LINGO2: variants seen among roughly 807,000 people sequenced by gnomAD.
The protein encoded by LINGO2 is leucine-rich repeat and immunoglobulin-like domain-containing nogo receptor-interacting protein 2.
LINGO2 carries 14 observed loss-of-function variants against 30.6 expected under a neutral mutation model. The ratio of observed to expected loss-of-function variants is 0.46; its 90% CI spans 0.30 to 0.72. The LOEUF (loss-of-function observed/expected upper bound fraction) is 0.72, where lower values mean the gene tolerates loss of function less well. Ranked by LOEUF, LINGO2 falls within the 30% of genes least tolerant of loss-of-function variation. The pLI, the probability that LINGO2 is intolerant of heterozygous loss-of-function variation, is 0.07. For missense variants in LINGO2, 729 were observed against 751.7 expected (o/e 0.97, Z 0.35); for synonymous variants, 317 against 288.5 (o/e 1.10, Z -1.00).
At chr9:28,403,941 A>G (rs1342305893) in intron 2 of LINGO2, among the ~76,000 whole-genome samples, 1 of 152,096 alleles carries the variant, frequency 6.6e-6, no homozygotes, top group Non-Finnish European at 1.5e-5. Context: ...ATTCCTTAAG[A>G]TGAAGATTAA....
At chr9:28,781,472 G>T in the LINGO2 span, among the ~76,000 whole-genome samples, 1 of 152,104 alleles carries the variant, frequency 6.6e-6, no homozygotes, top group Non-Finnish European at 1.5e-5. Context: ...TCAAATAATA[G>T]CAAAACAAAA....
the LINGO2 span, among the ~76,000 whole-genome samples, chr9:29,042,610 T>C: frequency 6.6e-6 from 1 of 152,020 alleles, no homozygotes; most frequent in Non-Finnish European, 1.5e-5. Context: ...TTTCTTTTAA[T>C]CTTATGTAAC....
At chr9:28,717,074 T>C in the LINGO2 span, among the ~76,000 whole-genome samples, 1 of 151,998 alleles carries the variant, frequency 6.6e-6, no homozygotes, top group Non-Finnish European at 1.5e-5. Flanking sequence ...TTTTTCCTGA[T>C]TTGTTAATAT....
At chr9:28,486,018 G>A (rs573239161) in intron 1 of LINGO2, among the ~76,000 whole-genome samples, 1 of 152,220 alleles carries the variant, frequency 6.6e-6, no homozygotes, top group South Asian at 2.1e-4. Flanking sequence ...ATGGAGCCAG[G>A]TGACACAGCT....
At chr9:28,489,502 G>C (rs899634297) in intron 1 of LINGO2, among the ~76,000 whole-genome samples, 3 of 152,050 alleles carry the variant, frequency 2.0e-5, no homozygotes, top group African/African-American at 7.2e-5. Flanking sequence ...GCTAAAAAAG[G>C]GCTTGTTCTT....
the LINGO2 span, among the ~76,000 whole-genome samples, chr9:28,809,745 C>CAAAAAAA: frequency 1.0e-5 from 1 of 96,486 alleles, no homozygotes; most frequent in Non-Finnish European, 2.0e-5. Flanking sequence ...GACTCTGTCT[C>CAAAAAAA]AAAAAAAAAA....
At chr9:28,488,996 T>G (rs1335227797) in intron 1 of LINGO2, among the ~76,000 whole-genome samples, 1 of 152,236 alleles carries the variant, frequency 6.6e-6, no homozygotes. Context: ...TATTTTTATT[T>G]GTTTAGCCAA....
chr9:28,900,774 A>C, the LINGO2 span, among the ~76,000 whole-genome samples: 293 of 152,338 alleles, frequency 1.9e-3, 5 homozygotes, highest in Non-Finnish European at 3.5e-4. Flanking sequence ...GATCAAGAAC[A>C]ATCAGAGAAA....
the LINGO2 span, among the ~76,000 whole-genome samples, chr9:29,068,701 G>A: frequency 4.0e-5 from 6 of 151,774 alleles, no homozygotes; most frequent in South Asian, 2.1e-4. Context: ...TCAAATGTAC[G>A]ATTCAAATTC....
chr9:28,682,058 G>T, the LINGO2 span, among the ~76,000 whole-genome samples: 1 of 152,144 alleles, frequency 6.6e-6, no homozygotes, highest in African/African-American at 2.4e-5. Flanking sequence ...AGTGTTTTCT[G>T]ATTTGTTTCA....
intron 3 of LINGO2, among the ~76,000 whole-genome samples, chr9:28,342,731 GTAGTT>G (rs573182014): frequency 6.6e-6 from 1 of 152,120 alleles, no homozygotes; most frequent in African/African-American, 2.4e-5. Context: ...ACTTACAAAT[GTAGTT>G]TAAACATAAT....
chr9:29,137,573 G>A, the LINGO2 span, among the ~76,000 whole-genome samples: 1 of 152,208 alleles, frequency 6.6e-6, no homozygotes, highest in African/African-American at 2.4e-5. Flanking sequence ...CAAGTGTCAG[G>A]TATCTTTTAC....
At chr9:28,596,968 A>C (rs1825213725) in intron 1 of LINGO2, among the ~76,000 whole-genome samples, 1 of 152,166 alleles carries the variant, frequency 6.6e-6, no homozygotes, top group South Asian at 2.1e-4. Flanking sequence ...TATATGCTTT[A>C]AAAAAGACAA....
the LINGO2 span, among the ~76,000 whole-genome samples, chr9:29,063,176 A>T: frequency 7.3e-6 from 1 of 136,394 alleles, no homozygotes; most frequent in Non-Finnish European, 1.6e-5. Flanking sequence ...TCTGGGAATT[A>T]TGGTGAGAAC....
chr9:28,083,934 T>G (rs1318390416), intron 4 of LINGO2, among the ~76,000 whole-genome samples: 1 of 152,218 alleles, frequency 6.6e-6, no homozygotes, highest in Non-Finnish European at 1.5e-5. Flanking sequence ...AATTGTACAC[T>G]GTGTGTCCAC....
chr9:28,815,224 G>A, the LINGO2 span, among the ~76,000 whole-genome samples: 3 of 152,168 alleles, frequency 2.0e-5, no homozygotes, highest in Admixed American at 6.5e-5. Context: ...AGTGATAGGT[G>A]AGCGAAATTC....
At chr9:29,046,041 A>T in the LINGO2 span, among the ~76,000 whole-genome samples, 1 of 152,120 alleles carries the variant, frequency 6.6e-6, no homozygotes, top group Non-Finnish European at 1.5e-5. Context: ...TCAGGCCAAA[A>T]CTATAGGGTA....
the LINGO2 span, among the ~76,000 whole-genome samples, chr9:29,032,663 T>G: frequency 1.3e-5 from 2 of 152,162 alleles, no homozygotes; most frequent in African/African-American, 4.8e-5. Context: ...TTATACCACA[T>G]AGTTCAGAAA....
the LINGO2 span, among the ~76,000 whole-genome samples, chr9:28,691,706 T>C: frequency 6.6e-6 from 1 of 152,194 alleles, no homozygotes; most frequent in African/African-American, 2.4e-5. Context: ...GGTATGTGCA[T>C]ATTATTTTAT....
Sources: gnomAD v4.1 joint callset for allele counts (sites outside exome capture counted in the v4.1 genomes callset) on GRCh38, gnomAD v4.1.1 for gene constraint, MANE v1.5 for transcripts, NCBI Gene and HGNC (gene_info 2026-07-23, HGNC 2026-07-21) for gene names.